The following EPOR variants were observed in gnomAD, a reference collection of about 807,000 sequenced individuals.
EPOR encodes erythropoietin receptor.
EPOR carries 20 observed loss-of-function variants against 34.3 expected under a neutral mutation model. The ratio of observed to expected loss-of-function variants is 0.58; its 90% CI spans 0.41 to 0.85. The LOEUF (loss-of-function observed/expected upper bound fraction) is 0.85. Ranked by LOEUF, EPOR falls within the 40% of genes least tolerant of loss-of-function variation. EPOR has a pLI of 0.00. For missense variants in EPOR, 601 were observed against 672.7 expected (o/e 0.89, Z 1.18); for synonymous variants, 312 against 299.0 (o/e 1.04, Z -0.45).
In EPOR at chr19:11,383,328, A is replaced by G. The variant is rs1285866031; in HGVS notation, c.116-96T>C. 2.1e-5 allele frequency: 27 copies of G among 1,283,414 alleles called. No homozygotes were observed. In the East Asian group the frequency reaches 6.2e-4, roughly 29 times the overall value. 79.5% of individuals were successfully genotyped at this position (1,283,414 alleles called of 1,614,324 possible). On this transcript the variant is annotated intron_variant, in intron 1 of 7. Coordinates refer to ENST00000222139, the MANE Select transcript of EPOR (RefSeq NM_000121.4). The surrounding 1 kb of genome is among the most constrained non-coding windows in gnomAD (Gnocchi z 4.9). ...CCCTCCCGCAGCCTGGGCGGACCCGATAAGAAAAAAGCCCCGCCCTGCCAT... is the reference window on the plus strand; with the variant it reads ...CCCTCCCGCAGCCTGGGCGGACCCGGTAAGAAAAAAGCCCCGCCCTGCCAT...
rs111263420 is a variant in EPOR, at chr19:11,378,940, G to C, written c.828-162C>G. On this transcript the variant is annotated intron_variant, in intron 6 of 7. Coordinates refer to ENST00000222139, the MANE Select transcript of EPOR (RefSeq NM_000121.4). The surrounding 1 kb of genome is among the most constrained non-coding windows in gnomAD (Gnocchi z 5.3). The stretch of plus-strand genomic sequence containing the variant: ...CCAGGGGACAGGGGTTTTGGCTGAA[G>C]CATCAGCAAGGCCCTACAAAAGGGT... Among the ~76,000 whole-genome samples the C allele has an allele frequency of 2.0e-5, 3 of 152,330 alleles. 1 individual carries two copies. The highest frequency in any genetic ancestry group is 7.2e-5 in the African/African-American group (3 of 41,570).
At chr19:11,379,030 C>G (rs1252760603) in intron 6 of EPOR, among the ~76,000 whole-genome samples, 1 of 152,066 alleles carries the variant, frequency 6.6e-6, no homozygotes, top group Non-Finnish European at 1.5e-5. Context: ...TCCCTTTAAT[C>G]CTGGCCATGG....
rs757732815 is a variant in EPOR at position 11,381,860 on chromosome 19, G to C, written c.428-11C>G. The C allele has an allele frequency of 2.5e-6, 4 of 1,614,138 alleles. No individual in the cohort carries two copies. In the East Asian group the frequency reaches 8.9e-5, roughly 36 times the overall value. ...GGGCGTCTAGGAGCACTGCAGGCAT[G>C]GGGGTTGGTCAGGTGGGCGAGGACT... On this transcript the variant is annotated splice_polypyrimidine_tract_variant and intron_variant, in intron 3 of 7. Coordinates refer to ENST00000222139, the MANE Select transcript of EPOR (RefSeq NM_000121.4). This position sits in a 1 kb window ranked among gnomAD's most constrained non-coding sequence, Gnocchi z 5.3.
chr19:11,377,972 C>A lies in EPOR; in HGVS notation c.*12G>T. On this transcript the variant is annotated 3_prime_UTR_variant, in exon 8 of 8. Transcript: ENST00000222139. ...GTCATATTGGATCCCTGATCATCTG[C>A]AGCCTGGTGTCCTAAGAGCAAGCCA... 1 of 1,613,852 alleles carries A rather than the reference C, an allele frequency of 6.2e-7. No individual in the cohort carries two copies. The highest frequency in any genetic ancestry group is 1.7e-5 in the Admixed American group (1 of 60,010).
rs1287019143 is a variant in EPOR at position 11,384,107 on chromosome 19, T to G, written c.101A>C (p.Lys34Thr). The part of the protein sequence containing the change: ...WAPPPNLPDP[K>T]FESKAALLAA... The stretch of plus-strand genomic sequence containing the variant: ...CTCATCCTTACCTTTGCTCTCGAAC[T>G]TGGGGTCCGGGAGGTTAGGCGGGGG... The change falls in exon 1 of 8, where the codon AAG becomes ACG. Residue 34 changes from lysine to threonine, a missense_variant. Transcript: ENST00000222139. The G allele has an allele frequency of 6.5e-7, 1 of 1,549,510 alleles. No individual in the cohort carries two copies. Among genetic ancestry groups the G allele is most frequent in the Non-Finnish European group, 8.7e-7 (1 of 1,145,462 alleles).
At chr19:11,379,712 T>C (rs890153965) in intron 6 of EPOR, among the ~76,000 whole-genome samples, 9 of 151,978 alleles carry the variant, frequency 5.9e-5, no homozygotes, top group African/African-American at 1.9e-4. Flanking sequence ...TTTTTTTTTT[T>C]TTTTTGAGAC....
rs1220097618 is a variant in EPOR at position 11,383,430 on chromosome 19, CT to C, written c.116-199del. 1 of 572,732 alleles carries C rather than the reference CT, an allele frequency of 1.7e-6. No individual in the cohort carries two copies. Among genetic ancestry groups the C allele is most frequent in the African/African-American group, 1.9e-5 (1 of 53,420 alleles). 35.5% of individuals were successfully genotyped at this position (572,732 alleles called of 1,614,324 possible). ...TCCCAGGGGCAAGTTTCTCGCCTTACTGTCCCCCGCCGTCACCACTGGCGCA... is the reference window on the plus strand; with the variant it reads ...TCCCAGGGGCAAGTTTCTCGCCTTACGTCCCCCGCCGTCACCACTGGCGCA... On this transcript the variant is annotated intron_variant, in intron 1 of 7. Transcript: ENST00000222139. This position sits in a 1 kb window ranked among gnomAD's most constrained non-coding sequence, Gnocchi z 4.9.
rs540939081 is a variant in EPOR, at chr19:11,380,106, C to G, written c.827+778G>C. On this transcript the variant is annotated intron_variant, in intron 6 of 7. Coordinates refer to ENST00000222139, the MANE Select transcript of EPOR (RefSeq NM_000121.4). ...CTCCCCACTTTTCAAGCGGCTGCTT[C>G]CTTCCAATCTTCAGGTTTCCACTCT... Among the ~76,000 whole-genome samples the G allele has an allele frequency of 3.9e-5, 6 of 152,386 alleles. No individual in the cohort carries two copies. The South Asian group carries it at 1.2e-3, about 32-fold the overall frequency.
intron 2 of EPOR, 98 bp downstream of exon 2, chr19:11,382,999 G>A (rs752677341): frequency 6.2e-7 from 1 of 1,601,278 alleles, no homozygotes; most frequent in Non-Finnish European, 8.5e-7. Flanking sequence ...GCGCCGTCGG[G>A]CCTCAAACAG....
chr19:11,381,608 GC>G lies in EPOR; in HGVS notation c.585+83del. 1.4e-6 allele frequency: 2 copies of G among 1,429,678 alleles called. No individual in the cohort carries two copies. The highest frequency in any genetic ancestry group is 1.3e-5 in the South Asian group (1 of 79,842). The allele number at this position is 1,429,678 out of a possible 1,614,324, so 88.6% of individuals were successfully genotyped here. ...GGGATGTTACGGACCGGCCCTGAAA[GC>G]GGCACCGGGCGCGACCTCGAGAGGC... On this transcript the variant is annotated intron_variant, in intron 4 of 7. Coordinates refer to ENST00000222139, the MANE Select transcript of EPOR (RefSeq NM_000121.4). The surrounding 1 kb of genome is among the most constrained non-coding windows in gnomAD (Gnocchi z 5.3).
Position 11,380,904 on chromosome 19 carries a change from G to A in EPOR, c.807C>T (p.Leu269=), listed in dbSNP as rs757492329. Residue 269 remains leucine, a synonymous_variant, in exon 6 of 8, where the codon CTC becomes CTT. Coordinates refer to ENST00000222139, the MANE Select transcript of EPOR (RefSeq NM_000121.4). ...LVVILVLLTV[L]ALLSHRRALK... ...CTCACCGGCGGTGGGAGAGCAGCGC[G>A]AGCACGGTCAGCAGCACCAGGATGA... is the stretch of plus-strand genomic sequence containing the variant. The A allele has an allele frequency of 4.3e-5, 66 of 1,551,586 alleles. No individual in the cohort carries two copies. Among genetic ancestry groups the A allele is most frequent in the Non-Finnish European group, 4.3e-5 (49 of 1,146,976 alleles).
In EPOR at chr19:11,381,312, C is replaced by A. The variant is rs1160558122; in HGVS notation, c.586-103G>T. The A allele has an allele frequency of 2.3e-6, 3 of 1,325,206 alleles. No homozygotes were observed. Among genetic ancestry groups the A allele is most frequent in the Non-Finnish European group, 3.2e-6 (3 of 950,584 alleles). The allele number at this position is 1,325,206 out of a possible 1,614,324, so 82.1% of individuals were successfully genotyped here. On this transcript the variant is annotated intron_variant, in intron 4 of 7. Transcript: ENST00000222139. The surrounding 1 kb of genome is among the most constrained non-coding windows in gnomAD (Gnocchi z 5.3). ...CCAATCAGGGGAAAGGAAAACGGTG[C>A]CCTAGAATTGCAATGGGACCAATAA...
At position 11,381,400 on chromosome 19, in the gene EPOR, G is replaced by A. The variant is rs1968356398; in HGVS notation, c.586-191C>T. On this transcript the variant is annotated intron_variant, in intron 4 of 7. Coordinates refer to ENST00000222139, the MANE Select transcript of EPOR (RefSeq NM_000121.4). This position sits in a 1 kb window ranked among gnomAD's most constrained non-coding sequence, Gnocchi z 5.3. ...CAGAGAGAGAGTCTCTGGTACGAAA[G>A]GGCGGGACCCGGGCAATTTAATATC... The A allele has an allele frequency of 1.4e-6, 1 of 719,594 alleles. No individual in the cohort carries two copies. The allele number at this position is 719,594 out of a possible 1,614,324, so 44.6% of individuals were successfully genotyped here. A position where few individuals can be genotyped will look rare whatever the true frequency, so the allele number is the denominator to read the frequency against.
In EPOR at chr19:11,377,356, TGAG is replaced by T. The variant is rs768450038; in HGVS notation, c.*625_*627del. On this transcript the variant is annotated 3_prime_UTR_variant, in exon 8 of 8. Coordinates refer to ENST00000222139, the MANE Select transcript of EPOR (RefSeq NM_000121.4). ...GTGACTGTTTCCAGCCAGTGAGGTG[TGAG>T]AAGAAGAGAGGAAGCCCATTTCCAG... is the stretch of plus-strand genomic sequence containing the variant. The T allele has an allele frequency of 6.6e-6, 3 of 454,060 alleles. No individual in the cohort carries two copies. Among genetic ancestry groups the T allele is most frequent in the South Asian group, 4.7e-5 (3 of 64,466 alleles). The allele number at this position is 454,060 out of a possible 1,614,324, so 28.1% of individuals were successfully genotyped here. A position where few individuals can be genotyped will look rare whatever the true frequency, so the allele number is the denominator to read the frequency against.
intron 1 of EPOR, 84 bp downstream of exon 1, chr19:11,384,009 C>T (rs1271323585): frequency 8.0e-6 from 7 of 869,652 alleles, no homozygotes; most frequent in South Asian, 1.4e-5. Context: ...ACAGGCATGG[C>T]CCCCAGGACC....
chr19:11,378,300 G>C lies in EPOR; in HGVS notation c.1211C>G (p.Ser404Cys), dbSNP rs974933030. ...IVAMDEGSEASSCSSALASKP... is the reference protein window; with the variant it reads ...IVAMDEGSEACSCSSALASKP... ...CGAGGCCAAAGCAGATGAGCAGGAG[G>C]ATGCTTCTGAGCCTTCATCCATGGC... The change falls in exon 8 of 8, where the codon TCC (serine) becomes TGC (cysteine). Residue 404 changes from serine to cysteine, a missense_variant. Ser to Cys is a moderately radical substitution (Grantham distance 112). Transcript: ENST00000222139. This position sits in a 1 kb window ranked among gnomAD's most constrained non-coding sequence, Gnocchi z 5.3. 1.1e-5 allele frequency: 17 copies of C among 1,613,772 alleles called. No individual in the cohort carries two copies. The highest frequency in any genetic ancestry group is 6.7e-5 in the Admixed American group (4 of 59,992).
chr19:11,379,987 C>T (rs535171409), intron 6 of EPOR, among the ~76,000 whole-genome samples: 24 of 152,330 alleles, frequency 1.6e-4, no homozygotes, highest in Admixed American at 1.4e-3. Flanking sequence ...AGGCGTGAGC[C>T]ACCATGCCAG....
Position 11,378,549 on chromosome 19 carries a change from G to T in EPOR, c.962C>A (p.Thr321Asn), listed in dbSNP as rs925720235. Residue 321 changes from threonine to asparagine, a missense_variant, in exon 8 of 8, where the codon ACC becomes AAC. Thr to Asn is a moderately conservative substitution (Grantham distance 65). Coordinates refer to ENST00000222139, the MANE Select transcript of EPOR (RefSeq NM_000121.4). The surrounding 1 kb of genome is among the most constrained non-coding windows in gnomAD (Gnocchi z 5.3). The part of the protein sequence containing the change: ...NDGCLWWSPC[T>N]PFTEDPPASL... ...AGCAGGTGGGTCCTCCGTGAAGGGG[G>T]TGCAGGGGCTCCACCACAGGCAGCC... is the stretch of plus-strand genomic sequence containing the variant. 1.2e-6 allele frequency: 2 copies of T among 1,614,198 alleles called. No individual in the cohort carries two copies. The highest frequency in any genetic ancestry group is 1.1e-5 in the South Asian group (1 of 91,084).
intron 2 of EPOR, among the ~76,000 whole-genome samples, 167 bp from the exon 3 acceptor site, chr19:11,382,272 C>A (rs1968373413): frequency 6.6e-6 from 1 of 152,036 alleles, no homozygotes; most frequent in Non-Finnish European, 1.5e-5. Flanking sequence ...GCGATCATGG[C>A]TCACTGCAGC....
Sources: allele counts gnomAD v4.1 joint callset (sites outside exome capture counted in the v4.1 genomes callset), GRCh38; gene constraint gnomAD v4.1.1; non-coding constraint Gnocchi (gnomAD v3.1); transcripts MANE v1.5; gene names NCBI Gene and HGNC (gene_info 2026-07-23, HGNC 2026-07-21).